The following GUSB variants were observed in gnomAD, a reference collection of about 807,000 sequenced individuals.
GUSB encodes beta-glucuronidase.
In GUSB, 51 loss-of-function variants were observed where a neutral mutation model predicts 74.6. The observed-to-expected ratio is 0.68, with a 90% CI of 0.55 to 0.86. The LOEUF is 0.86. Ranked by LOEUF, GUSB falls within the 40% of genes least tolerant of loss-of-function variation. The pLI is 0.00. For synonymous variants in GUSB, 360 were observed against 348.3 expected (o/e 1.03, Z -0.37); for missense variants, 736 against 853.7 (o/e 0.86, Z 1.72).
chr7:65,975,416 A>G, intron 5 of GUSB: 1 of 358,970 alleles, frequency 2.8e-6, no homozygotes, highest in Non-Finnish European at 5.4e-6. Flanking sequence ...AGACAGTCTC[A>G]GTCTGTCCCC....
chr7:65,979,658 C>T, intron 3 of GUSB, 69 bp downstream of exon 3: 5 of 1,590,398 alleles, frequency 3.1e-6, no homozygotes, highest in Non-Finnish European at 4.3e-6. Flanking sequence ...GCCACCCAGT[C>T]CCTACCAGGA....
At position 65,964,564 on chromosome 7, in the gene GUSB, A is replaced by G. The variant is rs1312708667; in HGVS notation, c.1654-106T>C. Reference sequence around the variant, plus strand: ...TGGTGACCAAAATATCTGTCTTCACAGGGGGCTATAGTGACTGCAGGACTC... The same window carrying G: ...TGGTGACCAAAATATCTGTCTTCACGGGGGGCTATAGTGACTGCAGGACTC... On this transcript the variant is annotated intron_variant, in intron 10 of 11. Transcript: ENST00000304895. 8 of 972,982 alleles carry G rather than the reference A, an allele frequency of 8.2e-6. No individual in the cohort carries two copies. The African/African-American group carries it at 9.7e-5, about 12-fold the overall frequency. The allele number at this position is 972,982 out of a possible 1,614,324, so 60.3% of individuals were successfully genotyped here. A position where few individuals can be genotyped will look rare whatever the true frequency, so the allele number is the denominator to read the frequency against.
chr7:65,966,493 A>AT (rs1206411983), intron 10 of GUSB, among the ~76,000 whole-genome samples: 1 of 151,800 alleles, frequency 6.6e-6, no homozygotes, highest in Non-Finnish European at 1.5e-5. Flanking sequence ...AATGAGATAG[A>AT]TTAAAAAAAT....
At chr7:65,980,620 G>A in intron 1 of GUSB, 2 of 600,566 alleles carry the variant, frequency 3.3e-6, no homozygotes, top group South Asian at 3.8e-5. Context: ...CCTCAGAGTG[G>A]ATGGGGCACA....
Position 65,980,212 on chromosome 7 carries a change from G to A in GUSB, c.396+12C>T, listed in dbSNP as rs746146376. 1 of 719,256 alleles carries A rather than the reference G, an allele frequency of 1.4e-6. No individual in the cohort carries two copies. Among genetic ancestry groups the A allele is most frequent in the East Asian group, 6.2e-5 (1 of 16,194 alleles). The allele number at this position is 719,256 out of a possible 1,614,324, so 44.6% of individuals were successfully genotyped here. A position where few individuals can be genotyped will look rare whatever the true frequency, so the allele number is the denominator to read the frequency against. ...CCCCCCACCCGCCCTGCCTGCTCCT[G>A]GCCGCACTGACCACGATGGCATAGG... is the stretch of plus-strand genomic sequence containing the variant. On this transcript the variant is annotated intron_variant, in intron 2 of 11. Transcript: ENST00000304895.
chr7:65,960,845 G>T lies in GUSB; in HGVS notation c.*52C>A. On this transcript the variant is annotated 3_prime_UTR_variant, in exon 12 of 12. Transcript: ENST00000304895. ...AGGAGGCACTTGTTCTGCTGCTGTG[G>T]AAGTCGCCCTGACTCGGGGAGGAAG... The T allele has an allele frequency of 6.7e-7, 1 of 1,494,774 alleles. No individual in the cohort carries two copies. The allele number at this position is 1,494,774 out of a possible 1,614,324, so 92.6% of individuals were successfully genotyped here. A position where few individuals can be genotyped will look rare whatever the true frequency, so the allele number is the denominator to read the frequency against.
intron 10 of GUSB, among the ~76,000 whole-genome samples, chr7:65,967,388 A>G (rs1348386988): frequency 6.6e-6 from 1 of 152,210 alleles, no homozygotes; most frequent in Non-Finnish European, 1.5e-5. Flanking sequence ...CAGGAGGTTA[A>G]GGCTGCAGTG....
In GUSB at chr7:65,960,689, A is replaced by G. The variant is rs190201470; in HGVS notation, c.*208T>C. ...ACAGAAATGATTTCAGATGCTTTTC[A>G]GTAGCCACTTTCATGCCAACTCTTT... On this transcript the variant is annotated 3_prime_UTR_variant, in exon 12 of 12. Transcript: ENST00000304895. 21 of 585,218 alleles carry G rather than the reference A, an allele frequency of 3.6e-5. No homozygotes were observed. Among genetic ancestry groups the G allele is most frequent in the Non-Finnish European group, 6.1e-6 (2 of 328,552 alleles). 36.3% of individuals were successfully genotyped at this position (585,218 alleles called of 1,614,324 possible).
At chr7:65,965,471 T>G (rs952967242) in intron 10 of GUSB, among the ~76,000 whole-genome samples, 7 of 152,194 alleles carry the variant, frequency 4.6e-5, no homozygotes, top group African/African-American at 1.7e-4. Context: ...TAGCCATGTG[T>G]AGCTAGTGTG....
intron 8 of GUSB, among the ~76,000 whole-genome samples, chr7:65,974,061 C>CA (rs1267473171): frequency 2.0e-5 from 3 of 152,014 alleles, no homozygotes; most frequent in African/African-American, 7.2e-5. Context: ...CACCCCACTG[C>CA]ACTCCAGCCT....
intron 5 of GUSB, chr7:65,975,382 T>TA (rs914656708): frequency 4.1e-3 from 1,552 of 375,446 alleles, no homozygotes; most frequent in Middle Eastern, 6.0e-3. Context: ...CCCATCTCTA[T>TA]AAAAAAAAAA....
At chr7:65,966,053 C>A (rs1215192516) in intron 10 of GUSB, among the ~76,000 whole-genome samples, 1 of 152,106 alleles carries the variant, frequency 6.6e-6, no homozygotes, top group African/African-American at 2.4e-5. Flanking sequence ...GCCTGTAATC[C>A]CAGCTACTCG....
At chr7:65,967,149 A>G (rs1790889503) in intron 10 of GUSB, among the ~76,000 whole-genome samples, 1 of 152,040 alleles carries the variant, frequency 6.6e-6, no homozygotes, top group South Asian at 2.1e-4. Context: ...GGGGGAGCCA[A>G]TGACAGGACT....
intron 5 of GUSB, chr7:65,975,367 G>C: frequency 2.2e-6 from 1 of 447,256 alleles, no homozygotes; most frequent in Non-Finnish European, 4.2e-6. Context: ...CTGACAGACT[G>C]AGACCCCATC....
At chr7:65,967,940 T>TCTA (rs747192427) in intron 9 of GUSB, 33 bp from the exon 10 acceptor site, 13 of 1,577,108 alleles carry the variant, frequency 8.2e-6, no homozygotes, top group Non-Finnish European at 1.1e-5. Context: ...CGTTCAGCAC[T>TCTA]CAGTAGACAG....
intron 4 of GUSB, among the ~76,000 whole-genome samples, chr7:65,978,272 AC>A (rs1223965003): frequency 4.0e-5 from 6 of 151,894 alleles, no homozygotes; most frequent in Admixed American, 3.9e-4. Flanking sequence ...ACATGGTGAA[AC>A]CCCATCTCTA....
chr7:65,972,802 G>A (rs1791300422), intron 8 of GUSB, among the ~76,000 whole-genome samples: 1 of 152,146 alleles, frequency 6.6e-6, no homozygotes, highest in Admixed American at 6.6e-5. Context: ...CAAAGGGCCT[G>A]TCCACCCAGT....
intron 4 of GUSB, 41 bp from the exon 5 acceptor site, chr7:65,976,243 G>A (rs376639818): frequency 2.9e-5 from 43 of 1,457,648 alleles, no homozygotes; most frequent in Non-Finnish European, 4.0e-5. Flanking sequence ...GGAGGGACAC[G>A]ACCTGAGTCA....
rs1204049056 is a variant in GUSB, at chr7:65,976,139, A to T, written c.788T>A (p.Leu263Ter). The T allele has an allele frequency of 6.2e-7, 1 of 1,613,326 alleles. No homozygotes were observed. The highest frequency in any genetic ancestry group is 8.5e-7 in the Non-Finnish European group (1 of 1,179,596). Residue 263 changes from leucine to a stop codon, truncating the protein, a stop_gained, in exon 5 of 12, where the codon TTG becomes TAG. Transcript: ENST00000304895. LOFTEE classifies it high-confidence loss of function. Reference sequence around the variant, plus strand: ...CGCCACGACTTTGTTTTCTGCATCCAAAAGACGCACTTCCAACTTGAACAG... The same window carrying T: ...CGCCACGACTTTGTTTTCTGCATCCTAAAGACGCACTTCCAACTTGAACAG... ...SNLFKLEVRLLDAENKVVANG... is the reference protein window; with the variant it reads ...SNLFKLEVRL
Sources: gnomAD v4.1 joint callset for allele counts (sites outside exome capture counted in the v4.1 genomes callset) on GRCh38, gnomAD v4.1.1 for gene constraint, MANE v1.5 for transcripts, NCBI Gene and HGNC (gene_info 2026-07-23, HGNC 2026-07-21) for gene names.